Variants in GPAM observed in about 807,000 individuals in gnomAD.
GPAM encodes the protein glycerol-3-phosphate acyltransferase 1, mitochondrial.
Under a neutral mutation model 105.0 loss-of-function variants are expected in GPAM, and 56 were observed. The observed-to-expected ratio is 0.53, with a 90% CI of 0.43 to 0.67. The LOEUF (loss-of-function observed/expected upper bound fraction) is 0.67. GPAM is among the 30% of genes least tolerant of loss of function. The pLI is 0.00. For missense variants in GPAM, 855 were observed against 989.8 expected, an observed-to-expected ratio of 0.86 and a Z score of 1.83; for synonymous variants, 368 against 354.4, an observed-to-expected ratio of 1.04 and a Z score of -0.43.
At chr10:112,202,794 G>T (rs1353049638) in intron 1 of GPAM, among the ~76,000 whole-genome samples, 2 of 152,098 alleles carry the variant, frequency 1.3e-5, no homozygotes, top group Non-Finnish European at 2.9e-5. Flanking sequence ...ACTGGCCAGG[G>T]GTAAAAGGCA....
At chr10:112,191,348 A>C (rs1022041598) in intron 1 of GPAM, among the ~76,000 whole-genome samples, 2 of 152,014 alleles carry the variant, frequency 1.3e-5, no homozygotes. Context: ...ACAAGGTTCA[A>C]CTCCCCAGGA....
chr10:112,167,820 T>C (rs1234727799), intron 11 of GPAM, among the ~76,000 whole-genome samples: 1 of 152,234 alleles, frequency 6.6e-6, no homozygotes, highest in Non-Finnish European at 1.5e-5. Context: ...TACATGCCTA[T>C]GATTTATATA....
chr10:112,212,331 C>T (rs1162955655), intron 1 of GPAM, among the ~76,000 whole-genome samples: 1 of 152,102 alleles, frequency 6.6e-6, no homozygotes. Flanking sequence ...GGTGCGATCT[C>T]AGCTCACTGC....
intron 15 of GPAM, 39 bp from the exon 16 acceptor site, chr10:112,160,907 C>T (rs746431212): frequency 1.3e-6 from 2 of 1,590,486 alleles, no homozygotes; most frequent in Non-Finnish European, 1.7e-6. Context: ...TGGTGGAAAA[C>T]CTACTTTCCA....
At position 112,174,022 on chromosome 10, in the gene GPAM, T is replaced by A. The variant is rs77874947; in HGVS notation, c.414-177A>T. Reference sequence around the variant, plus strand: ...GCTCTTTCTGGCTATCTATTAAATATTAAGAATACTATATTCCTAAATCAA... The same window carrying A: ...GCTCTTTCTGGCTATCTATTAAATAATAAGAATACTATATTCCTAAATCAA... On this transcript the variant is annotated intron_variant, in intron 6 of 21. Transcript: ENST00000348367. 2.1e-3 allele frequency among the ~76,000 whole-genome samples: 317 copies of A among 152,314 alleles called. 1 individual carries two copies. Among genetic ancestry groups the A allele is most frequent in the African/African-American group, 7.4e-3 (306 of 41,568 alleles).
Position 112,199,089 on chromosome 10 carries a change from ATGTGTGTGTGTGTG to A in GPAM, n.210+16065_210+16078del, listed in dbSNP as rs34627276. Among the ~76,000 whole-genome samples the A allele has an allele frequency of 2.4e-4, 33 of 134,974 alleles. No individual in the cohort carries two copies. In the East Asian group the frequency reaches 3.1e-3, roughly 13 times the overall value. The allele number at this position is 134,974 out of a possible 152,430, so 88.5% of individuals were successfully genotyped here. On this transcript the variant is annotated intron_variant and non_coding_transcript_variant, in intron 1 of 3. Transcript: ENST00000480130. Reference sequence around the variant, plus strand: ...AGACACACGCCGCCACGCCTGGCTAATGTGTGTGTGTGTGTGTGTGTGTGTGTGTGTGTGTGTGT... The same window carrying A: ...AGACACACGCCGCCACGCCTGGCTAATGTGTGTGTGTGTGTGTGTGTGTGT...
At chr10:112,161,587 TG>T in intron 15 of GPAM, 79 bp downstream of exon 15, 2 of 1,150,774 alleles carry the variant, frequency 1.7e-6, no homozygotes, top group Non-Finnish European at 2.6e-6. Context: ...GGGCCAAATC[TG>T]CCCCTGAGTA....
intron 15 of GPAM, 34 bp from the exon 16 acceptor site, chr10:112,160,902 G>A (rs1213065817): frequency 6.3e-7 from 1 of 1,598,004 alleles, no homozygotes; most frequent in Non-Finnish European, 8.6e-7. Context: ...CATGATGGTG[G>A]AAAACCTACT....
Position 112,172,259 on chromosome 10 carries a change from G to T in GPAM, c.717C>A (p.Leu239=), listed in dbSNP as rs1847325510. The T allele has an allele frequency of 6.2e-7, 1 of 1,609,038 alleles. No individual in the cohort carries two copies. The highest frequency in any genetic ancestry group is 1.1e-5 in the South Asian group (1 of 90,946). ...VHRSHIDYLL[L]TFILFCHNIK... ...TGTTATGGCAGAAGAGAATGAAAGTGAGCAGCAGATAGTCAATATGGGATC... is the reference window on the plus strand; with the variant it reads ...TGTTATGGCAGAAGAGAATGAAAGTTAGCAGCAGATAGTCAATATGGGATC... The change falls in exon 9 of 22, where the codon CTC becomes CTA. Residue 239 remains leucine (L), a synonymous_variant. Transcript: ENST00000348367.
chr10:112,204,846 G>C (rs111739567), intron 1 of GPAM, among the ~76,000 whole-genome samples: 1 of 127,782 alleles, frequency 7.8e-6, no homozygotes, highest in Non-Finnish European at 1.6e-5. Context: ...GAAATAAAGG[G>C]TATTCAATTA....
rs532743406 is a variant in GPAM, at chr10:112,152,549, G to T, written c.*1001C>A. On this transcript the variant is annotated 3_prime_UTR_variant, in exon 22 of 22. Transcript: ENST00000348367. Reference sequence around the variant, plus strand: ...TACCAGTCACCTGGACTGGGGTGCAGTACACAATCTGTGTGCAGTACAGAA... The same window carrying T: ...TACCAGTCACCTGGACTGGGGTGCATTACACAATCTGTGTGCAGTACAGAA... The T allele has an allele frequency of 1.0e-6, 1 of 985,406 alleles. No individual in the cohort carries two copies. Among genetic ancestry groups the T allele is most frequent in the South Asian group, 4.7e-5 (1 of 21,290 alleles). 61.0% of individuals were successfully genotyped at this position (985,406 alleles called of 1,614,324 possible). A position where few individuals can be genotyped will look rare whatever the true frequency, so the allele number is the denominator to read the frequency against.
intron 1 of GPAM, among the ~76,000 whole-genome samples, chr10:112,208,275 C>A (rs1431099487): frequency 6.6e-6 from 1 of 152,228 alleles, no homozygotes; most frequent in Non-Finnish European, 1.5e-5. Flanking sequence ...CCTGAATTAA[C>A]ACCACTCTGA....
At chr10:112,225,828 C>T in the GPAM span, among the ~76,000 whole-genome samples, 1 of 152,154 alleles carries the variant, frequency 6.6e-6, no homozygotes, top group East Asian at 1.9e-4. Context: ...TAATGGCAAG[C>T]ATGTTTTGTT....
chr10:112,200,780 C>T (rs2133294473), intron 1 of GPAM, among the ~76,000 whole-genome samples: 1 of 152,166 alleles, frequency 6.6e-6, no homozygotes. Flanking sequence ...CACAAGTATG[C>T]AATAGTGTTT....
intron 11 of GPAM, among the ~76,000 whole-genome samples, chr10:112,167,980 G>A (rs1193059106): frequency 1.3e-5 from 2 of 152,176 alleles, no homozygotes; most frequent in African/African-American, 4.8e-5. Context: ...AAGCCCTGGG[G>A]AGAACAAACC....
At chr10:112,199,600 C>A (rs1197005380) in intron 1 of GPAM, among the ~76,000 whole-genome samples, 4 of 152,166 alleles carry the variant, frequency 2.6e-5, no homozygotes, top group African/African-American at 9.7e-5. Context: ...TCGATTTAAT[C>A]ATTCCACAAT....
chr10:112,194,581 G>A (rs934810728), intron 1 of GPAM, among the ~76,000 whole-genome samples: 9 of 152,294 alleles, frequency 5.9e-5, no homozygotes, highest in Middle Eastern at 3.4e-3. Flanking sequence ...AAAATAAAGC[G>A]TCTTGTCTTC....
the GPAM span, among the ~76,000 whole-genome samples, chr10:112,222,718 T>C: frequency 6.6e-6 from 1 of 152,156 alleles, no homozygotes; most frequent in Non-Finnish European, 1.5e-5. Flanking sequence ...ATTTGCTTGT[T>C]CAGGTGTGCA....
chr10:112,173,078 T>C lies in GPAM; in HGVS notation c.561-12A>G, dbSNP rs988513041. 4.0e-6 allele frequency: 6 copies of C among 1,491,720 alleles called. No homozygotes were observed. The African/African-American group carries it at 5.5e-5, about 14-fold the overall frequency. The allele number at this position is 1,491,720 out of a possible 1,614,324, so 92.4% of individuals were successfully genotyped here. ...CCCACCCAGTCAGTCTGAAACAAAG[T>C]ACAAACAAAAAAAACAACATAAATG... On this transcript the variant is annotated splice_polypyrimidine_tract_variant and intron_variant, in intron 7 of 21. Coordinates refer to ENST00000348367, the MANE Select transcript of GPAM (RefSeq NM_001244949.2).
Sources: gnomAD v4.1 joint callset for allele counts (sites outside exome capture counted in the v4.1 genomes callset) on GRCh38, gnomAD v4.1.1 for gene constraint, MANE v1.5 for transcripts, NCBI Gene and HGNC (gene_info 2026-07-23, HGNC 2026-07-21) for gene names.